Variants in RSU1 observed in about 807,000 individuals in gnomAD.
The protein encoded by RSU1 is rsu-1.
In RSU1, 26 loss-of-function variants were observed where a neutral mutation model predicts 31.1. The observed-to-expected ratio is 0.84, with a 90% CI of 0.61 to 1.16. The LOEUF is 1.16. Among genes scored for constraint, RSU1 ranks in the 50% most tolerant of loss-of-function variants. The probability of loss-of-function intolerance (pLI) is 0.00; values close to 1 mark genes in which losing one functional copy is unlikely to be tolerated. For missense variants in RSU1, 320 were observed against 339.1 expected (o/e 0.94, Z 0.44); for synonymous variants, 164 against 136.3 (o/e 1.20, Z -1.41).
chr10:16,628,049 GGA>G (rs1344541289), intron 8 of RSU1, among the ~76,000 whole-genome samples: 3 of 152,134 alleles, frequency 2.0e-5, no homozygotes, highest in African/African-American at 7.2e-5. Context: ...CGCCCAGAAG[GGA>G]GAGAGATTTT....
intron 7 of RSU1, among the ~76,000 whole-genome samples, chr10:16,719,689 G>A (rs956727179): frequency 5.9e-5 from 9 of 152,166 alleles, no homozygotes; most frequent in Non-Finnish European, 8.8e-5. Flanking sequence ...CACAGGGGCC[G>A]CACAGACTTG....
In RSU1 at chr10:16,646,006, G is replaced by A. The variant is rs186259452; in HGVS notation, c.731+49017C>T. 1.3e-4 allele frequency among the ~76,000 whole-genome samples: 7 copies of A among 53,314 alleles called. 1 individual carries two copies. The highest frequency in any genetic ancestry group is 6.7e-4 in the Admixed American group (3 of 4,488). 35.0% of individuals were successfully genotyped at this position (53,314 alleles called of 152,430 possible). A position where few individuals can be genotyped will look rare whatever the true frequency, so the allele number is the denominator to read the frequency against. ...TATACATATATGTGTATATATATGTGTATATACATATATGTGTATATATAT... is the reference window on the plus strand; with the variant it reads ...TATACATATATGTGTATATATATGTATATATACATATATGTGTATATATAT... On this transcript the variant is annotated intron_variant, in intron 8 of 8. Transcript: ENST00000345264.
In RSU1 at chr10:16,663,716, A is replaced by G. The variant is rs182089155; in HGVS notation, c.731+31307T>C. On this transcript the variant is annotated intron_variant, in intron 8 of 8. Coordinates refer to ENST00000345264, the MANE Select transcript of RSU1 (RefSeq NM_012425.4). Reference sequence around the variant, plus strand: ...TTCACATGTGATCACCAAAATACAGAAGGAGGACTCTGCTCTGCATACCCC... The same window carrying G: ...TTCACATGTGATCACCAAAATACAGGAGGAGGACTCTGCTCTGCATACCCC... 4.1e-3 allele frequency among the ~76,000 whole-genome samples: 622 copies of G among 152,262 alleles called. 4 individuals carry two copies. The highest frequency in any genetic ancestry group is 0.011 in the African/African-American group (452 of 41,538).
rs1400525154 is a variant in RSU1, at chr10:16,605,188, A to T, written c.732-11692T>A. Among the ~76,000 whole-genome samples, 3 of 152,238 alleles carry T rather than the reference A, an allele frequency of 2.0e-5. No homozygotes were observed. In the East Asian group the frequency reaches 5.8e-4, roughly 29 times the overall value. ...CAATGCTGGTCTTGATGAATACGTC[A>T]CCACTCTGGTCTACTGCAAATGTGA... On this transcript the variant is annotated intron_variant, in intron 8 of 8. Coordinates refer to ENST00000345264, the MANE Select transcript of RSU1 (RefSeq NM_012425.4).
intron 7 of RSU1, among the ~76,000 whole-genome samples, chr10:16,750,441 C>T (rs1413977869): frequency 1.3e-5 from 2 of 152,042 alleles, no homozygotes; most frequent in East Asian, 3.9e-4. Context: ...AATGGAAAGC[C>T]TTACAGAAAT....
chr10:16,713,269 T>A (rs912297893), intron 7 of RSU1, among the ~76,000 whole-genome samples: 5 of 152,228 alleles, frequency 3.3e-5, no homozygotes, highest in Non-Finnish European at 7.3e-5. Flanking sequence ...TTTTCATCTA[T>A]TATTTCATTA....
At chr10:16,665,725 C>T (rs1337851564) in intron 8 of RSU1, among the ~76,000 whole-genome samples, 2 of 152,108 alleles carry the variant, frequency 1.3e-5, no homozygotes, top group African/African-American at 4.8e-5. Context: ...GTAAAAAGAT[C>T]ATATTAGGCA....
intron 8 of RSU1, among the ~76,000 whole-genome samples, chr10:16,665,486 T>C (rs7073069): frequency 0.065 from 9,966 of 152,234 alleles, 870 homozygotes; most frequent in African/African-American, 0.2. Flanking sequence ...CAACAAATAA[T>C]ACTCAAAGCA....
At chr10:16,714,415 T>G (rs1053627291) in intron 7 of RSU1, among the ~76,000 whole-genome samples, 6 of 152,166 alleles carry the variant, frequency 3.9e-5, no homozygotes, top group Admixed American at 3.3e-4. Context: ...AGACATAGAA[T>G]AGCAGCATTC....
At chr10:16,680,903 T>C (rs1835318640) in intron 8 of RSU1, among the ~76,000 whole-genome samples, 1 of 152,136 alleles carries the variant, frequency 6.6e-6, no homozygotes, top group South Asian at 2.1e-4. Context: ...AGGGCTGAGC[T>C]CAGTAACTCT....
At chr10:16,751,302 C>G (rs1353863780) in intron 7 of RSU1, among the ~76,000 whole-genome samples, 1 of 152,212 alleles carries the variant, frequency 6.6e-6, no homozygotes, top group Admixed American at 6.5e-5. Context: ...AGTTGCTCCT[C>G]AGCCCTTAAA....
At chr10:16,728,055 C>G (rs992831742) in intron 7 of RSU1, among the ~76,000 whole-genome samples, 1 of 152,210 alleles carries the variant, frequency 6.6e-6, no homozygotes, top group Non-Finnish European at 1.5e-5. Flanking sequence ...TCTTTCAAAA[C>G]TGCCAGTAAG....
intron 4 of RSU1, among the ~76,000 whole-genome samples, chr10:16,760,146 G>A (rs887796535): frequency 1.3e-5 from 2 of 152,166 alleles, no homozygotes; most frequent in African/African-American, 4.8e-5. Context: ...AATCAGTACA[G>A]CACCGACAGC....
At chr10:16,782,820 C>A (rs1837682382) in intron 2 of RSU1, among the ~76,000 whole-genome samples, 1 of 151,838 alleles carries the variant, frequency 6.6e-6, no homozygotes, top group Admixed American at 6.6e-5. Flanking sequence ...AATGATCTCC[C>A]CTCTACTCTG....
chr10:16,711,384 C>T (rs1053456428), intron 7 of RSU1, among the ~76,000 whole-genome samples: 2 of 151,986 alleles, frequency 1.3e-5, no homozygotes, highest in African/African-American at 2.4e-5. Context: ...GTTAATTTGT[C>T]TTTATTTCTT....
chr10:16,712,617 C>T (rs973964013), intron 7 of RSU1, among the ~76,000 whole-genome samples: 3 of 152,132 alleles, frequency 2.0e-5, no homozygotes, highest in Non-Finnish European at 4.4e-5. Flanking sequence ...TAACCCCATA[C>T]ACAATTAATA....
At chr10:16,743,356 C>T (rs1381565485) in intron 7 of RSU1, among the ~76,000 whole-genome samples, 1 of 152,110 alleles carries the variant, frequency 6.6e-6, no homozygotes, top group Non-Finnish European at 1.5e-5. Flanking sequence ...AATAACGTGG[C>T]CTTAGGCAAG....
intron 2 of RSU1, among the ~76,000 whole-genome samples, chr10:16,785,398 CTA>C (rs1837754436): frequency 1.1e-5 from 1 of 89,654 alleles, no homozygotes; most frequent in Admixed American, 1.0e-4. Flanking sequence ...CACTCTCTCT[CTA>C]TCTTTCTATA....
At chr10:16,743,424 T>C (rs763721971) in intron 7 of RSU1, among the ~76,000 whole-genome samples, 8 of 152,250 alleles carry the variant, frequency 5.3e-5, no homozygotes, top group South Asian at 2.1e-4. Flanking sequence ...TCTCCTTGCC[T>C]ACATTATACA....
Sources: gnomAD v4.1 joint callset for allele counts (sites outside exome capture counted in the v4.1 genomes callset) on GRCh38, gnomAD v4.1.1 for gene constraint, MANE v1.5 for transcripts, NCBI Gene and HGNC (gene_info 2026-07-23, HGNC 2026-07-21) for gene names.